The following IL1RAPL2 variants were observed in gnomAD, a reference collection of about 807,000 sequenced individuals.
The protein encoded by IL1RAPL2 is X-linked interleukin-1 receptor accessory protein-like 2.
In IL1RAPL2, 3 loss-of-function variants were observed where a neutral mutation model predicts 44.1. The ratio of observed to expected loss-of-function variants is 0.07; its 90% CI spans 0.03 to 0.18. The LOEUF is 0.18. Among genes scored for constraint, IL1RAPL2 ranks in the 10% least tolerant of loss-of-function variants. The probability of loss-of-function intolerance (pLI) is 1.00; values close to 1 mark genes in which losing one functional copy is unlikely to be tolerated. For missense variants in IL1RAPL2, 391 were observed against 496.4 expected (o/e 0.79, Z 2.02); for synonymous variants, 181 against 178.8 (o/e 1.01, Z -0.10).
At chrX:105,713,733 G>T (rs767871442) in intron 6 of IL1RAPL2, among the ~76,000 whole-genome samples, 1 of 111,341 alleles carries the variant, frequency 9.0e-6, no homozygotes, top group East Asian at 2.9e-4. Context: ...AAATGCCTTT[G>T]GGGTCTTTTG....
chrX:105,642,614 C>A (rs189224103), intron 6 of IL1RAPL2, among the ~76,000 whole-genome samples: 12 of 112,166 alleles, frequency 1.1e-4, no homozygotes, highest in Non-Finnish European at 2.3e-4. Flanking sequence ...GTAAAACCCT[C>A]ATTGGCAATC....
chrX:104,605,728 A>T (rs7054330), intron 1 of IL1RAPL2, among the ~76,000 whole-genome samples: 2,111 of 112,267 alleles, frequency 0.019, 53 homozygotes, highest in African/African-American at 0.065. Flanking sequence ...GAAGAAATGG[A>T]TAAATTCCTG....
chrX:105,233,547 A>G (rs1259846222), intron 3 of IL1RAPL2, among the ~76,000 whole-genome samples: 2 of 112,128 alleles, frequency 1.8e-5, no homozygotes, highest in African/African-American at 6.5e-5. Flanking sequence ...TTGCTGGGAA[A>G]GAAGTCAGAC....
intron 2 of IL1RAPL2, among the ~76,000 whole-genome samples, chrX:105,157,647 A>G (rs887507064): frequency 6.2e-5 from 7 of 112,054 alleles, no homozygotes; most frequent in Admixed American, 1.9e-4. Context: ...TAAGGATTGC[A>G]AAAGTTATAT....
At chrX:105,467,041 C>T (rs186785806) in intron 5 of IL1RAPL2, among the ~76,000 whole-genome samples, 1 of 111,191 alleles carries the variant, frequency 9.0e-6, no homozygotes, top group Admixed American at 9.6e-5. Flanking sequence ...CCTCATAACC[C>T]AATCTTCTCC....
chrX:105,353,573 G>A (rs1206096470), intron 5 of IL1RAPL2, among the ~76,000 whole-genome samples: 1 of 111,661 alleles, frequency 9.0e-6, no homozygotes, highest in Non-Finnish European at 1.9e-5. Context: ...AGCATGGAAT[G>A]TTCTTCCATT....
At chrX:104,718,290 C>T (rs1005204756) in intron 2 of IL1RAPL2, among the ~76,000 whole-genome samples, 10 of 111,002 alleles carry the variant, frequency 9.0e-5, no homozygotes, top group South Asian at 3.8e-4. Flanking sequence ...TTTTAATGAC[C>T]GCCATTCTAA....
chrX:104,879,974 A>G (rs1051012819), intron 2 of IL1RAPL2, among the ~76,000 whole-genome samples: 2 of 111,468 alleles, frequency 1.8e-5, no homozygotes, highest in African/African-American at 6.5e-5. Context: ...AATTAGGGTA[A>G]TGTGAAAAGT....
intron 2 of IL1RAPL2, among the ~76,000 whole-genome samples, chrX:104,668,458 T>C (rs1000160644): frequency 2.9e-4 from 29 of 99,172 alleles, no homozygotes; most frequent in East Asian, 2.0e-3. Context: ...GTATATCTCC[T>C]AATGCTATCC....
chrX:105,760,713 G>T, intron 10 of IL1RAPL2, among the ~76,000 whole-genome samples: 1 of 112,190 alleles, frequency 8.9e-6, no homozygotes, highest in Non-Finnish European at 1.9e-5. Context: ...GCAAATTCAT[G>T]TTAGCTGCTG....
At chrX:105,152,806 T>A (rs2033238681) in intron 2 of IL1RAPL2, among the ~76,000 whole-genome samples, 1 of 112,086 alleles carries the variant, frequency 8.9e-6, no homozygotes, top group African/African-American at 3.2e-5. Context: ...TATAAAAGGA[T>A]GAGTTTGCCC....
chrX:104,818,525 C>T (rs1921209248), intron 2 of IL1RAPL2, among the ~76,000 whole-genome samples: 1 of 107,507 alleles, frequency 9.3e-6, no homozygotes, highest in Middle Eastern at 4.8e-3. Context: ...AATCTCGGGG[C>T]CATAGAGGGT....
chrX:105,372,705 C>T (rs1445544177), intron 5 of IL1RAPL2, among the ~76,000 whole-genome samples: 1 of 111,493 alleles, frequency 9.0e-6, no homozygotes, highest in African/African-American at 3.3e-5. Flanking sequence ...TTATTTAGCT[C>T]CCACTTATAA....
intron 2 of IL1RAPL2, among the ~76,000 whole-genome samples, chrX:105,120,260 C>T (rs2032909957): frequency 9.3e-6 from 1 of 107,250 alleles, no homozygotes; most frequent in African/African-American, 3.4e-5. Flanking sequence ...ATCCTTTACC[C>T]AGGGAGAAAG....
intron 6 of IL1RAPL2, among the ~76,000 whole-genome samples, chrX:105,532,627 A>T (rs2036646375): frequency 9.3e-6 from 1 of 107,672 alleles, no homozygotes; most frequent in Admixed American, 9.7e-5. Context: ...TAATTTAAAA[A>T]ATCAATACTT....
At chrX:105,500,269 A>G (rs2036384335) in intron 6 of IL1RAPL2, among the ~76,000 whole-genome samples, 1 of 110,695 alleles carries the variant, frequency 9.0e-6, no homozygotes, top group African/African-American at 3.3e-5. Context: ...AACAATGGAT[A>G]TATAGATAAT....
At chrX:105,035,996 T>C (rs865782940) in intron 2 of IL1RAPL2, among the ~76,000 whole-genome samples, 4 of 111,759 alleles carry the variant, frequency 3.6e-5, no homozygotes, top group African/African-American at 1.3e-4. Context: ...TAATCCAGTA[T>C]CTCCCATAGT....
intron 2 of IL1RAPL2, among the ~76,000 whole-genome samples, chrX:105,081,413 T>C (rs1292933507): frequency 8.9e-6 from 1 of 111,743 alleles, no homozygotes; most frequent in Non-Finnish European, 1.9e-5. Context: ...TAGAACCTTT[T>C]CATTATCAAA....
At chrX:105,573,045 G>T (rs2037025978) in intron 6 of IL1RAPL2, among the ~76,000 whole-genome samples, 1 of 110,384 alleles carries the variant, frequency 9.1e-6, no homozygotes, top group Non-Finnish European at 1.9e-5. Context: ...ATGGAAGGTT[G>T]GTTTGTTTGT....
Sources: allele counts gnomAD v4.1 joint callset (sites outside exome capture counted in the v4.1 genomes callset), GRCh38; gene constraint gnomAD v4.1.1; transcripts MANE v1.5; gene names NCBI Gene and HGNC (gene_info 2026-07-23, HGNC 2026-07-21).